Variants in SUGCT observed in about 807,000 individuals in gnomAD.
SUGCT encodes the protein succinyl-CoA:glutarate CoA-transferase.
SUGCT carries 41 observed loss-of-function variants against 55.0 expected under a neutral mutation model. That is an observed-to-expected ratio of 0.74 (90% CI 0.58 to 0.97). The LOEUF is 0.97. Ranked by LOEUF, SUGCT falls within the 50% of genes least tolerant of loss-of-function variation. The pLI is 0.00. For missense variants in SUGCT, 568 were observed against 547.8 expected (o/e 1.04, Z -0.37); for synonymous variants, 187 against 200.4 (o/e 0.93, Z 0.56).
chr7:40,897,502 A>G, the SUGCT span, among the ~76,000 whole-genome samples: 2 of 151,986 alleles, frequency 1.3e-5, no homozygotes, highest in Non-Finnish European at 2.9e-5. Flanking sequence ...CACGTGAGGA[A>G]GCCACAGAAG....
At chr7:40,448,173 G>A (rs1303265006) in intron 9 of SUGCT, among the ~76,000 whole-genome samples, 1 of 151,472 alleles carries the variant, frequency 6.6e-6, no homozygotes, top group Non-Finnish European at 1.5e-5. Flanking sequence ...CTTGAAAGAA[G>A]CAATGTAGCT....
At chr7:40,595,711 C>G (rs1264734067) in intron 12 of SUGCT, among the ~76,000 whole-genome samples, 2 of 151,626 alleles carry the variant, frequency 1.3e-5, no homozygotes, top group Non-Finnish European at 2.9e-5. Flanking sequence ...CCACTCCCAT[C>G]TTCAAAATCA....
At chr7:40,645,865 G>C (rs545291008) in intron 12 of SUGCT, among the ~76,000 whole-genome samples, 1 of 152,298 alleles carries the variant, frequency 6.6e-6, no homozygotes, top group African/African-American at 2.4e-5. Flanking sequence ...TCACAAGGCA[G>C]TTCCAATTAC....
chr7:40,751,014 T>C (rs183954387), intron 13 of SUGCT, among the ~76,000 whole-genome samples: 382 of 152,320 alleles, frequency 2.5e-3, no homozygotes, highest in Non-Finnish European at 3.6e-3. Context: ...CCAACAAATG[T>C]TTCTATAACT....
chr7:40,527,403 T>C (rs1793862625), intron 12 of SUGCT, among the ~76,000 whole-genome samples: 1 of 152,212 alleles, frequency 6.6e-6, no homozygotes, highest in African/African-American at 2.4e-5. Context: ...AGATTCTTTT[T>C]CCTTCACTTT....
chr7:40,485,023 T>A (rs1178292206), intron 11 of SUGCT, among the ~76,000 whole-genome samples: 1 of 152,014 alleles, frequency 6.6e-6, no homozygotes, highest in East Asian at 1.9e-4. Flanking sequence ...GTATTAATAC[T>A]TACCCCACAG....
intron 9 of SUGCT, among the ~76,000 whole-genome samples, chr7:40,343,142 CCTCT>C (rs1797141431): frequency 6.6e-6 from 1 of 152,152 alleles, no homozygotes; most frequent in Non-Finnish European, 1.5e-5. Context: ...CTTATACACA[CCTCT>C]CTATCAGCCT....
At chr7:41,037,129 C>T in the SUGCT span, among the ~76,000 whole-genome samples, 63 of 152,286 alleles carry the variant, frequency 4.1e-4, no homozygotes, top group African/African-American at 1.4e-3. Context: ...AATATGATTA[C>T]GTGTGTGAAA....
intron 9 of SUGCT, among the ~76,000 whole-genome samples, chr7:40,359,463 C>G (rs1322473567): frequency 6.6e-6 from 1 of 152,100 alleles, no homozygotes; most frequent in Non-Finnish European, 1.5e-5. Context: ...TCTTGGCCTC[C>G]CAAAATGCTG....
intron 13 of SUGCT, among the ~76,000 whole-genome samples, chr7:40,760,621 AC>A (rs2128720264): frequency 6.6e-6 from 1 of 152,340 alleles, no homozygotes; most frequent in Non-Finnish European, 1.5e-5. Context: ...TTCAGCTACA[AC>A]AAAAATATGA....
At chr7:40,749,550 T>C in intron 13 of SUGCT, 53 bp downstream of exon 13, 1 of 1,427,012 alleles carries the variant, frequency 7.0e-7, no homozygotes, top group Admixed American at 1.7e-5. Flanking sequence ...AATTGTCCCA[T>C]ATGCTGTTTA....
At chr7:40,176,965 A>G (rs77637397) in intron 1 of SUGCT, among the ~76,000 whole-genome samples, 3 of 149,412 alleles carry the variant, frequency 2.0e-5, no homozygotes, top group Admixed American at 6.7e-5. Flanking sequence ...CGTCTCCAAA[A>G]AAAAAAAAAA....
rs117891666 is a variant in SUGCT, at chr7:40,387,564, G to A, written c.817-61723G>A. ...ATGGAATGGTTATCTCAGGGCATTC[G>A]GGTTTATTTTTCTTGCTGAACCCTT... On this transcript the variant is annotated intron_variant, in intron 9 of 13. Transcript: ENST00000335693. Among the ~76,000 whole-genome samples the A allele has an allele frequency of 2.7e-3, 406 of 152,210 alleles. 1 individual carries two copies. The highest frequency in any genetic ancestry group is 4.1e-3 in the Admixed American group (62 of 15,282).
At position 40,741,320 on chromosome 7, in the gene SUGCT, G is replaced by A. The variant is rs189707397; in HGVS notation, c.1090-8114G>A. 2.1e-3 allele frequency among the ~76,000 whole-genome samples: 322 copies of A among 151,828 alleles called. 2 individuals are homozygous for A. The highest frequency in any genetic ancestry group is 1.7e-3 in the Non-Finnish European group (116 of 67,906). On this transcript the variant is annotated intron_variant, in intron 12 of 13. Transcript: ENST00000335693. ...AAAATATAATTAAGCCAGTAGAAAA[G>A]CTTCTTGAATAAGCATTTCATTTAA...
intron 9 of SUGCT, among the ~76,000 whole-genome samples, chr7:40,357,878 C>T (rs1797955151): frequency 6.6e-6 from 1 of 151,994 alleles, no homozygotes; most frequent in South Asian, 2.1e-4. Flanking sequence ...AAATGGACAG[C>T]AGGCTGAATT....
At chr7:40,726,685 G>A (rs1440102874) in intron 12 of SUGCT, among the ~76,000 whole-genome samples, 1 of 152,162 alleles carries the variant, frequency 6.6e-6, no homozygotes, top group Non-Finnish European at 1.5e-5. Context: ...GGAAAGCTGA[G>A]GCGCCGCAAC....
chr7:40,967,179 CAG>C, the SUGCT span: 1 of 152,224 alleles, frequency 6.6e-6, no homozygotes, highest in African/African-American at 2.4e-5. Context: ...CCCATCACCA[CAG>C]AGTCTCATGC....
Position 40,225,113 on chromosome 7 carries a change from A to G in SUGCT, c.485-12522A>G, listed in dbSNP as rs530961563. Among the ~76,000 whole-genome samples, 4 of 152,328 alleles carry G rather than the reference A, an allele frequency of 2.6e-5. No individual in the cohort carries two copies. In the South Asian group the frequency reaches 8.3e-4, roughly 32 times the overall value. ...CAATTGCCAGACAAAACATACCTTT[A>G]TATATTAGCGTTCCCAAGTTGGATA... is the stretch of plus-strand genomic sequence containing the variant. On this transcript the variant is annotated intron_variant, in intron 6 of 13. Transcript: ENST00000335693.
At chr7:40,323,546 C>A (rs1192952761) in intron 9 of SUGCT, among the ~76,000 whole-genome samples, 1 of 152,098 alleles carries the variant, frequency 6.6e-6, no homozygotes, top group Non-Finnish European at 1.5e-5. Flanking sequence ...GCACACACCA[C>A]CATGCCCAGC....
Sources: gnomAD v4.1 joint callset for allele counts (sites outside exome capture counted in the v4.1 genomes callset) on GRCh38, gnomAD v4.1.1 for gene constraint, MANE v1.5 for transcripts, NCBI Gene and HGNC (gene_info 2026-07-23, HGNC 2026-07-21) for gene names.